The following RYR3 variants were observed in gnomAD, a reference collection of about 807,000 sequenced individuals.
RYR3 encodes ryanodine receptor 3, also known as brain ryanodine receptor-calcium release channel.
RYR3 carries 207 observed loss-of-function variants against 584.3 expected under a neutral mutation model. That is an observed-to-expected ratio of 0.35 (90% CI 0.32 to 0.40). RYR3 has a LOEUF of 0.40. RYR3 is among the 10% of genes least tolerant of loss of function. The probability of loss-of-function intolerance (pLI) is 1.00; values close to 1 mark genes in which losing one functional copy is unlikely to be tolerated. For missense variants in RYR3, 5,616 were observed against 6,089.2 expected (o/e 0.92, Z 2.59); for synonymous variants, 2,416 against 2,248.5 (o/e 1.07, Z -2.11).
At chr15:33,428,178 C>G (rs566506972) in intron 1 of RYR3, among the ~76,000 whole-genome samples, 77 of 152,202 alleles carry the variant, frequency 5.1e-4, no homozygotes, top group Non-Finnish European at 6.8e-4. Context: ...GCTTATTGTT[C>G]ATCATATAGA....
chr15:33,557,023 G>T (rs900116714), intron 10 of RYR3, among the ~76,000 whole-genome samples: 3 of 152,036 alleles, frequency 2.0e-5, no homozygotes, highest in African/African-American at 7.2e-5. Context: ...TAAACTATTG[G>T]TACAATTCAT....
intron 3 of RYR3, among the ~76,000 whole-genome samples, chr15:33,504,135 A>G (rs1213898604): frequency 6.6e-6 from 1 of 152,222 alleles, no homozygotes; most frequent in Non-Finnish European, 1.5e-5. Flanking sequence ...ATGGAGCACA[A>G]CCAAGTTACA....
At chr15:33,338,420 A>G (rs985696964) in intron 1 of RYR3, among the ~76,000 whole-genome samples, 3 of 152,198 alleles carry the variant, frequency 2.0e-5, no homozygotes, top group Non-Finnish European at 4.4e-5. Flanking sequence ...GGCAGAGGAA[A>G]AATGCGGGGA....
rs193278023 is a variant in RYR3, at chr15:33,726,330, G to A, written c.6913-56G>A. 7.0e-4 allele frequency: 1,120 copies of A among 1,601,358 alleles called. 3 individuals are homozygous for A. The African/African-American group carries it at 8.6e-3, about 12-fold the overall frequency. The stretch of plus-strand genomic sequence containing the variant: ...ACTGCCAGAGGTTTGGAGGTGGGGT[G>A]GAGGGAGGTGTGGGAACCTCACTTA... On this transcript the variant is annotated intron_variant, in intron 45 of 103. Transcript: ENST00000634891.
At chr15:33,805,639 G>A (rs189552891) in intron 69 of RYR3, among the ~76,000 whole-genome samples, 20 of 151,724 alleles carry the variant, frequency 1.3e-4, no homozygotes, top group South Asian at 2.1e-4. Flanking sequence ...CACCACGCCC[G>A]GCTAATTTTT....
chr15:33,794,309 T>A lies in RYR3; in HGVS notation c.9830+5851T>A, dbSNP rs866469573. Among the ~76,000 whole-genome samples the A allele has an allele frequency of 4.7e-4, 46 of 97,950 alleles. 3 individuals are homozygous for A. Among genetic ancestry groups the A allele is most frequent in the African/African-American group, 1.2e-3 (37 of 32,164 alleles). The allele number at this position is 97,950 out of a possible 152,430, so 64.3% of individuals were successfully genotyped here. A position where few individuals can be genotyped will look rare whatever the true frequency, so the allele number is the denominator to read the frequency against. ...GAAAAGATTTTTTATATATATATTT[T>A]TATATATATATATTTTTATATATGT... On this transcript the variant is annotated intron_variant, in intron 67 of 103. Transcript: ENST00000634891.
rs1317336745 is a variant in RYR3 at position 33,311,576 on chromosome 15, G to T, written c.51+480G>T. On this transcript the variant is annotated intron_variant, in intron 1 of 103. Coordinates refer to ENST00000634891, the MANE Select transcript of RYR3 (RefSeq NM_001036.6). This position sits in a 1 kb window ranked among gnomAD's most constrained non-coding sequence, Gnocchi z 4.4. ...AGGAGCCAGCGGGGCAGGGGGGAGT[G>T]TGGGGAGCCGGGTCGGAGAAGCGGG... 6.6e-6 allele frequency among the ~76,000 whole-genome samples: 1 copy of T among 152,198 alleles called. No homozygotes were observed. Among genetic ancestry groups the T allele is most frequent in the Non-Finnish European group, 1.5e-5 (1 of 68,026 alleles).
At chr15:33,515,234 A>C (rs780928242) in intron 3 of RYR3, among the ~76,000 whole-genome samples, 2 of 152,204 alleles carry the variant, frequency 1.3e-5, no homozygotes, top group African/African-American at 2.4e-5. Context: ...CCTCACCTCC[A>C]CAATGATACT....
intron 12 of RYR3, among the ~76,000 whole-genome samples, chr15:33,576,902 AAG>A (rs1296128545): frequency 8.5e-5 from 13 of 152,208 alleles, no homozygotes; most frequent in Non-Finnish European, 4.4e-5. Context: ...TTAAGCTGAT[AAG>A]CAACTTCAGC....
chr15:33,786,519 C>T (rs1009629627), intron 66 of RYR3, among the ~76,000 whole-genome samples: 15 of 151,520 alleles, frequency 9.9e-5, no homozygotes, highest in Non-Finnish European at 1.9e-4. Context: ...AAGTTACTTG[C>T]ACACAGCCAG....
At chr15:33,845,611 C>G (rs1309818170) in intron 93 of RYR3, among the ~76,000 whole-genome samples, 1 of 152,184 alleles carries the variant, frequency 6.6e-6, no homozygotes, top group Non-Finnish European at 1.5e-5. Context: ...AATCTGTACG[C>G]ACTTTCAAGT....
chr15:33,617,486 GT>G (rs1835026160), intron 19 of RYR3, among the ~76,000 whole-genome samples: 1 of 152,106 alleles, frequency 6.6e-6, no homozygotes, highest in African/African-American at 2.4e-5. Context: ...CACTTGCCTG[GT>G]TTTATAGCAT....
At chr15:33,764,483 A>G (rs1358875636) in intron 60 of RYR3, among the ~76,000 whole-genome samples, 2 of 152,022 alleles carry the variant, frequency 1.3e-5, no homozygotes, top group Admixed American at 6.6e-5. Context: ...TGTAGATGAC[A>G]GGTTGATGGG....
intron 18 of RYR3, 86 bp downstream of exon 18, chr15:33,603,450 T>C: frequency 7.3e-7 from 1 of 1,370,832 alleles, no homozygotes; most frequent in East Asian, 2.3e-5. Context: ...ACCACTTCCA[T>C]TTGAAATGAT....
At chr15:33,814,568 C>T (rs1402357272) in intron 74 of RYR3, among the ~76,000 whole-genome samples, 2 of 152,128 alleles carry the variant, frequency 1.3e-5, no homozygotes, top group African/African-American at 2.4e-5. Flanking sequence ...GCCAACTGGC[C>T]ACCTGGGCTT....
At chr15:33,477,312 C>T (rs892779) in intron 2 of RYR3, among the ~76,000 whole-genome samples, 11,435 of 151,380 alleles carry the variant, frequency 0.076, 572 homozygotes, top group Non-Finnish European at 0.11. Context: ...GTGTGTGACC[C>T]GGAGAAAAGG....
intron 32 of RYR3, 45 bp downstream of exon 32, chr15:33,652,928 G>C (rs776944254): frequency 1.3e-6 from 2 of 1,554,324 alleles, no homozygotes; most frequent in Admixed American, 2.0e-5. Flanking sequence ...CCCAGGCCTG[G>C]TGTTTATCAC....
intron 58 of RYR3, 106 bp downstream of exon 58, chr15:33,755,286 G>C (rs1253193421): frequency 1.3e-6 from 1 of 747,162 alleles, no homozygotes; most frequent in African/African-American, 1.8e-5. Flanking sequence ...CATGATTTTA[G>C]GGGGAAAACA....
At chr15:33,824,698 C>T (rs765684022) in intron 81 of RYR3, among the ~76,000 whole-genome samples, 5 of 152,138 alleles carry the variant, frequency 3.3e-5, no homozygotes, top group Non-Finnish European at 7.3e-5. Flanking sequence ...AAAAAGAAAA[C>T]AGGAAGGCCA....
Sources: allele counts gnomAD v4.1 joint callset (sites outside exome capture counted in the v4.1 genomes callset), GRCh38; gene constraint gnomAD v4.1.1; non-coding constraint Gnocchi (gnomAD v3.1); transcripts MANE v1.5; gene names NCBI Gene and HGNC (gene_info 2026-07-23, HGNC 2026-07-21).